The following TP63 variants were observed in gnomAD, a reference collection of about 807,000 sequenced individuals.
TP63 encodes tumor protein 63.
A neutral mutation model predicts 82.8 loss-of-function variants in TP63; 17 were observed. The ratio of observed to expected loss-of-function variants is 0.21; its 90% CI spans 0.14 to 0.31. TP63 has a LOEUF of 0.31. Ranked by LOEUF, TP63 falls within the 10% of genes least tolerant of loss-of-function variation. TP63 has a pLI of 1.00. For missense variants in TP63, 648 were observed against 895.3 expected, an observed-to-expected ratio of 0.72 and a Z score of 3.52; for synonymous variants, 330 against 321.7, an observed-to-expected ratio of 1.03 and a Z score of -0.28.
chr3:189,626,979 T>C (rs565703682), upstream of TP63, among the ~76,000 whole-genome samples: 1 of 152,278 alleles, frequency 6.6e-6, no homozygotes, highest in African/African-American at 2.4e-5. Context: ...AATCAGTTTC[T>C]GTTGTTTATA....
At chr3:189,856,346 C>G (rs976729049) in intron 4 of TP63, among the ~76,000 whole-genome samples, 2 of 151,514 alleles carry the variant, frequency 1.3e-5, no homozygotes, top group African/African-American at 4.8e-5. Context: ...TCACATATGA[C>G]TCAGTATTAA....
At chr3:189,807,042 T>C (rs1726990572) in intron 3 of TP63, among the ~76,000 whole-genome samples, 2 of 152,230 alleles carry the variant, frequency 1.3e-5, no homozygotes. Flanking sequence ...CTTTATAAAA[T>C]ATGTACGAAT....
At chr3:189,778,764 C>T (rs776027746) in intron 3 of TP63, among the ~76,000 whole-genome samples, 37 of 152,292 alleles carry the variant, frequency 2.4e-4, no homozygotes, top group Non-Finnish European at 3.7e-4. Context: ...ACACCACTTA[C>T]GTTGTTATCA....
intron 3 of TP63, among the ~76,000 whole-genome samples, chr3:189,744,879 C>T (rs1404601709): frequency 1.3e-5 from 2 of 152,200 alleles, no homozygotes; most frequent in Admixed American, 1.3e-4. Flanking sequence ...CAGGCACACT[C>T]AGCCCACTAC....
At chr3:189,783,398 A>G (rs377709451) in intron 3 of TP63, among the ~76,000 whole-genome samples, 130 of 152,116 alleles carry the variant, frequency 8.5e-4, no homozygotes, top group African/African-American at 3.0e-3. Flanking sequence ...GTCTACGTGT[A>G]GTTTCTAGGA....
intron 4 of TP63, among the ~76,000 whole-genome samples, chr3:189,860,367 T>A (rs2108786454): frequency 1.3e-5 from 2 of 152,210 alleles, no homozygotes; most frequent in East Asian, 3.9e-4. Flanking sequence ...CCGGGAAAAT[T>A]GGAGATGATG....
chr3:189,637,681 G>C lies in TP63; in HGVS notation c.62+6104G>C, dbSNP rs577648625. 6.6e-5 allele frequency among the ~76,000 whole-genome samples: 10 copies of C among 152,244 alleles called. No homozygotes were observed. In the South Asian group the frequency reaches 2.1e-3, roughly 32 times the overall value. On this transcript the variant is annotated intron_variant, in intron 1 of 13. Transcript: ENST00000264731. ...TACAGTTGACAAAATGTTTCCCAAT[G>C]CATTGCACATGTGACCTACCTGGGA... is the stretch of plus-strand genomic sequence containing the variant.
chr3:189,718,457 A>G (rs1719127230), intron 1 of TP63, among the ~76,000 whole-genome samples: 1 of 149,530 alleles, frequency 6.7e-6, no homozygotes, highest in Non-Finnish European at 1.5e-5. Flanking sequence ...GAACTACCAA[A>G]CACTTTTAAA....
At chr3:189,736,468 C>T (rs1319146644) in intron 1 of TP63, among the ~76,000 whole-genome samples, 1 of 152,050 alleles carries the variant, frequency 6.6e-6, no homozygotes, top group African/African-American at 2.4e-5. Flanking sequence ...TCAGCAAAGG[C>T]TCTTTCCTTG....
chr3:189,829,647 C>T (rs751345381), intron 4 of TP63, among the ~76,000 whole-genome samples: 80 of 152,058 alleles, frequency 5.3e-4, no homozygotes, highest in South Asian at 1.0e-3. Flanking sequence ...TAGAGTCTGG[C>T]GAGGACTTAG....
At chr3:189,791,857 T>C (rs1057098940) in intron 3 of TP63, among the ~76,000 whole-genome samples, 3 of 152,222 alleles carry the variant, frequency 2.0e-5, no homozygotes, top group South Asian at 4.1e-4. Context: ...CTGAGAACCA[T>C]GAATTTAATA....
chr3:189,656,780 A>G (rs921510878), intron 1 of TP63, among the ~76,000 whole-genome samples: 10 of 152,138 alleles, frequency 6.6e-5, no homozygotes, highest in African/African-American at 2.4e-4. Context: ...TTCTCTAAGA[A>G]TACATAGCAA....
In TP63 at chr3:189,894,578, G is replaced by A. The variant is rs979008547; in HGVS notation, c.*76G>A. ...AAAGCACTCCTGCTTAATCTTCAAA[G>A]CCTTCTCCCTAGCTCCTCCCCTTCC... On this transcript the variant is annotated 3_prime_UTR_variant, in exon 14 of 14. Transcript: ENST00000264731. 9.0e-6 allele frequency: 14 copies of A among 1,552,888 alleles called. No individual in the cohort carries two copies. The African/African-American group carries it at 1.9e-4, about 21-fold the overall frequency.
At chr3:189,876,075 C>T (rs1719187466) in intron 10 of TP63, among the ~76,000 whole-genome samples, 1 of 152,136 alleles carries the variant, frequency 6.6e-6, no homozygotes, top group African/African-American at 2.4e-5. Context: ...GAATTTCTAA[C>T]CTTAACACTC....
chr3:189,631,251 C>A (rs1280762067), upstream of TP63: 6 of 985,184 alleles, frequency 6.1e-6, no homozygotes, highest in African/African-American at 3.5e-5. Flanking sequence ...GGGGGAAGAA[C>A]AACAGTAGAG....
At chr3:189,875,994 A>T (rs917947309) in intron 10 of TP63, among the ~76,000 whole-genome samples, 1 of 152,076 alleles carries the variant, frequency 6.6e-6, no homozygotes, top group Non-Finnish European at 1.5e-5. Context: ...AAGATGTGCT[A>T]TGTGAAAGCA....
the TP63 span, among the ~76,000 whole-genome samples, chr3:189,622,033 G>A: frequency 6.6e-6 from 1 of 152,224 alleles, no homozygotes; most frequent in Non-Finnish European, 1.5e-5. Context: ...GGATTCCCCT[G>A]TAAAGATGCC....
At chr3:189,606,847 A>T in the TP63 span, among the ~76,000 whole-genome samples, 2 of 152,080 alleles carry the variant, frequency 1.3e-5, no homozygotes, top group African/African-American at 4.8e-5. Context: ...TTGTGTAATT[A>T]TATCTCCTTC....
At chr3:189,663,280 CAG>C (rs201131548) in intron 1 of TP63, among the ~76,000 whole-genome samples, 5,828 of 152,056 alleles carry the variant, frequency 0.038, 143 homozygotes, top group Middle Eastern at 0.054. Context: ...GGAAGGACTT[CAG>C]AGTTATCAAG....
Sources: gnomAD v4.1 joint callset for allele counts (sites outside exome capture counted in the v4.1 genomes callset) on GRCh38, gnomAD v4.1.1 for gene constraint, MANE v1.5 for transcripts, NCBI Gene and HGNC (gene_info 2026-07-23, HGNC 2026-07-21) for gene names.